EYA4: variants seen among roughly 807,000 people sequenced by gnomAD.
EYA4 encodes protein phosphatase EYA4.
Under a neutral mutation model 87.9 loss-of-function variants are expected in EYA4, and 31 were observed. The ratio of observed to expected loss-of-function variants is 0.35; its 90% confidence interval spans 0.27 to 0.48. The LOEUF (loss-of-function observed/expected upper bound fraction) is 0.48, where lower values mean the gene tolerates loss of function less well. Among genes scored for constraint, EYA4 ranks in the 20% least tolerant of loss-of-function variants. EYA4 has a pLI of 0.99. For synonymous variants in EYA4, 263 were observed against 270.6 expected (o/e 0.97, Z 0.28); for missense variants, 678 against 761.4 (o/e 0.89, Z 1.29).
chr6:133,516,767 A>G (rs1458445448), intron 17 of EYA4, among the ~76,000 whole-genome samples: 1 of 151,564 alleles, frequency 6.6e-6, no homozygotes, highest in Non-Finnish European at 1.5e-5. Context: ...AACGTGCAGT[A>G]TTTGCTTTTT....
At chr6:133,389,654 T>C (rs1310168495) in intron 3 of EYA4, among the ~76,000 whole-genome samples, 1 of 152,158 alleles carries the variant, frequency 6.6e-6, no homozygotes, top group Admixed American at 6.6e-5. Context: ...TTGTGAAAAA[T>C]TGTAATTACA....
intron 3 of EYA4, 121 bp from the exon 4 acceptor site, chr6:133,446,509 T>C (rs1277198382): frequency 9.2e-7 from 1 of 1,092,392 alleles, no homozygotes; most frequent in Non-Finnish European, 1.4e-6. Context: ...GTTGACTAAG[T>C]CTTAGATACT....
rs542915992 is a variant in EYA4 at position 133,365,379 on chromosome 6, G to C, written c.34-17013G>C. Among the ~76,000 whole-genome samples the C allele has an allele frequency of 4.6e-5, 7 of 152,204 alleles. No homozygotes were observed. The South Asian group carries it at 1.4e-3, about 32-fold the overall frequency. On this transcript the variant is annotated intron_variant, in intron 2 of 19. Transcript: ENST00000355286. ...CTGCCGAATGGATTGAAGAGTTAAT[G>C]GTACAAATTGGGAGTTTATCAGTTG...
intron 2 of EYA4, among the ~76,000 whole-genome samples, chr6:133,345,914 T>C (rs529238475): frequency 1.7e-4 from 26 of 152,344 alleles, no homozygotes; most frequent in African/African-American, 6.0e-4. Flanking sequence ...AACTGAGTAT[T>C]TCTAGTTCAG....
At chr6:133,479,043 G>GT (rs1795985312) in intron 11 of EYA4, among the ~76,000 whole-genome samples, 1 of 152,214 alleles carries the variant, frequency 6.6e-6, no homozygotes, top group East Asian at 1.9e-4. Context: ...TTTATGGAAC[G>GT]TCATCCAAAA....
chr6:133,484,698 T>C (rs908521359), intron 13 of EYA4, among the ~76,000 whole-genome samples: 1 of 152,236 alleles, frequency 6.6e-6, no homozygotes, highest in Non-Finnish European at 1.5e-5. Context: ...GTAAATCCTG[T>C]TGAGCTGATT....
chr6:133,430,653 CA>C (rs965762186), intron 3 of EYA4, among the ~76,000 whole-genome samples: 3 of 151,760 alleles, frequency 2.0e-5, no homozygotes, highest in East Asian at 3.9e-4. Flanking sequence ...AACTATGCCA[CA>C]AAAAAAACTA....
chr6:133,396,014 C>T (rs1047193127), intron 3 of EYA4, among the ~76,000 whole-genome samples: 85 of 152,030 alleles, frequency 5.6e-4, no homozygotes, highest in African/African-American at 1.7e-3. Context: ...TTTCTGTCTC[C>T]CCCTTCTTTT....
chr6:133,525,518 T>A lies in EYA4; in HGVS notation c.1839+264T>A, dbSNP rs571981091. On this transcript the variant is annotated intron_variant, in intron 19 of 19. Transcript: ENST00000355286. ...AGTATATACATATAGTAAATATATA[T>A]AGTAACATATATATTTGTGTGGGCA... Among the ~76,000 whole-genome samples the A allele has an allele frequency of 1.4e-3, 220 of 152,272 alleles. 1 individual carries two copies. Among genetic ancestry groups the A allele is most frequent in the African/African-American group, 5.1e-3 (213 of 41,562 alleles).
At chr6:133,446,386 CGTGTT>C (rs1224038765) in intron 3 of EYA4, among the ~76,000 whole-genome samples, 7 of 151,826 alleles carry the variant, frequency 4.6e-5, no homozygotes, top group African/African-American at 1.7e-4. Context: ...GTTATAATAA[CGTGTT>C]ATGTTATTAC....
chr6:133,334,937 C>T (rs1435692060), intron 2 of EYA4, among the ~76,000 whole-genome samples: 2 of 152,152 alleles, frequency 1.3e-5, no homozygotes, highest in East Asian at 1.9e-4. Flanking sequence ...ATAGCTCTAG[C>T]TAATAAATAA....
chr6:133,316,097 C>T (rs148829119), intron 2 of EYA4, among the ~76,000 whole-genome samples: 21 of 152,152 alleles, frequency 1.4e-4, no homozygotes, highest in Non-Finnish European at 2.8e-4. Flanking sequence ...GGTGGGTATA[C>T]GATACGTATG....
At chr6:133,284,347 T>C (rs1455638435) in intron 2 of EYA4, among the ~76,000 whole-genome samples, 1 of 152,202 alleles carries the variant, frequency 6.6e-6, no homozygotes, top group Admixed American at 6.5e-5. Flanking sequence ...ATAATTTTTG[T>C]ATTTTTAGTG....
chr6:133,309,155 C>T (rs571110129), intron 2 of EYA4, among the ~76,000 whole-genome samples: 1 of 151,652 alleles, frequency 6.6e-6, no homozygotes, highest in Admixed American at 6.6e-5. Context: ...TGCTATTGTC[C>T]AATATGATAC....
intron 11 of EYA4, among the ~76,000 whole-genome samples, chr6:133,475,235 T>C (rs1314302649): frequency 1.3e-5 from 2 of 152,112 alleles, no homozygotes; most frequent in Non-Finnish European, 2.9e-5. Context: ...CTAAAGGTCT[T>C]TCTTTAAAGT....
chr6:133,262,650 A>G (rs927364131), intron 1 of EYA4, among the ~76,000 whole-genome samples: 7 of 152,250 alleles, frequency 4.6e-5, no homozygotes, highest in Non-Finnish European at 8.8e-5. Flanking sequence ...CTTGCCATCA[A>G]ATGAACTTAT....
Position 133,272,302 on chromosome 6 carries a change from T to C in EYA4, c.-65-2414T>C, listed in dbSNP as rs1045136370. ...TCCCGATGAGGGCATCGATGCAGCC[T>C]TGGGGAGAGAAGGTAGGGTGGCAGG... On this transcript the variant is annotated intron_variant, in intron 1 of 19. Coordinates refer to ENST00000355286, the MANE Select transcript of EYA4 (RefSeq NM_004100.5). Among the ~76,000 whole-genome samples, 14 of 152,286 alleles carry C rather than the reference T, an allele frequency of 9.2e-5. No homozygotes were observed. In the East Asian group the frequency reaches 1.9e-3, roughly 21 times the overall value.
In EYA4 at chr6:133,468,813, A is replaced by C. The variant is rs996479654; in HGVS notation, c.970+82A>C. On this transcript the variant is annotated intron_variant, in intron 11 of 19. Transcript: ENST00000355286. The stretch of plus-strand genomic sequence containing the variant: ...CGGAGAAAGTGGACATTCCAAAAAC[A>C]TGGCGGAAAGCTCCCAGATAATTGT... 31 of 1,401,764 alleles carry C rather than the reference A, an allele frequency of 2.2e-5. No individual in the cohort carries two copies. The African/African-American group carries it at 4.4e-4, about 20-fold the overall frequency. The allele number at this position is 1,401,764 out of a possible 1,614,324, so 86.8% of individuals were successfully genotyped here.
intron 3 of EYA4, among the ~76,000 whole-genome samples, chr6:133,412,246 G>C (rs1469597550): frequency 1.3e-5 from 2 of 152,266 alleles, no homozygotes; most frequent in Non-Finnish European, 2.9e-5. Context: ...TAAAAATTAT[G>C]AGTTTTTTAG....
Sources: gnomAD v4.1 joint callset for allele counts (sites outside exome capture counted in the v4.1 genomes callset) on GRCh38, gnomAD v4.1.1 for gene constraint, MANE v1.5 for transcripts, NCBI Gene and HGNC (gene_info 2026-07-23, HGNC 2026-07-21) for gene names.